The following HDHD5 variants were observed in gnomAD, a reference collection of about 807,000 sequenced individuals.
The protein encoded by HDHD5 is haloacid dehalogenase like hydrolase domain containing 5.
A neutral mutation model predicts 35.5 loss-of-function variants in HDHD5; 34 were observed. The ratio of observed to expected loss-of-function variants is 0.96; its 90% CI spans 0.73 to 1.28. HDHD5 has a LOEUF of 1.28. HDHD5 is among the 50% of genes most tolerant of loss of function. HDHD5 has a pLI of 0.00. For missense variants in HDHD5, 589 were observed against 560.2 expected (o/e 1.05, Z -0.52); for synonymous variants, 248 against 240.6 (o/e 1.03, Z -0.29).
chr22:17,162,620 T>G (rs528430761), upstream of HDHD5, among the ~76,000 whole-genome samples: 1 of 152,340 alleles, frequency 6.6e-6, no homozygotes, highest in South Asian at 2.1e-4. Context: ...TGTGGGAGAT[T>G]CCAACATGAT....
At position 17,138,673 on chromosome 22, in the gene HDHD5, A is replaced by G. The variant is rs2061564042; in HGVS notation, c.812T>C (p.Leu271Pro). The G allele has an allele frequency of 1.2e-6, 2 of 1,614,158 alleles. No homozygotes were observed. Among genetic ancestry groups the G allele is most frequent in the East Asian group, 2.2e-5 (1 of 44,880 alleles). ...TTTGCCCATCAGGCCCTCGTATCTC[A>G]GCTCCTTGCCCGTCACTTTCTGGTA... ...TIYQKVTGKELRYEGLMGKPS... is the reference protein window; with the variant it reads ...TIYQKVTGKEPRYEGLMGKPS... Residue 271 changes from leucine (L) to proline (P), a missense_variant, in exon 7 of 8, where the codon CTG becomes CCG. Physicochemically the swap from Leu to Pro is moderately conservative, Grantham distance 98. Coordinates refer to ENST00000336737, the MANE Select transcript of HDHD5 (RefSeq NM_033070.3).
rs140503307 is a variant in HDHD5, at chr22:17,138,685, G to C, written c.800C>G (p.Thr267Arg). The C allele has an allele frequency of 6.2e-7, 1 of 1,614,086 alleles. No homozygotes were observed. The highest frequency in any genetic ancestry group is 1.3e-5 in the African/African-American group (1 of 74,922). Residue 267 changes from threonine to arginine, a missense_variant, in exon 7 of 8, where the codon ACG becomes AGG. Transcript: ENST00000336737. Reference sequence around the variant, plus strand: ...GCCCTCGTATCTCAGCTCCTTGCCCGTCACTTTCTGGTAAATGGTTTCCAG... The same window carrying C: ...GCCCTCGTATCTCAGCTCCTTGCCCCTCACTTTCTGGTAAATGGTTTCCAG... ...LCLETIYQKV[T>R]GKELRYEGLM... is the part of the protein sequence containing the mutation.
chr22:17,141,517 C>A (rs916503476), intron 5 of HDHD5: 4 of 1,251,020 alleles, frequency 3.2e-6, no homozygotes, highest in Admixed American at 4.6e-5. Context: ...TGTCTCAGGG[C>A]TACTTCTCCT....
chr22:17,161,885 A>G (rs899924886), upstream of HDHD5, among the ~76,000 whole-genome samples: 11 of 150,858 alleles, frequency 7.3e-5, no homozygotes, highest in Admixed American at 4.0e-4. Context: ...AAAAAAAAAA[A>G]GAAAAAAAAA....
chr22:17,150,783 T>G (rs993614973), intron 1 of HDHD5, among the ~76,000 whole-genome samples: 2 of 152,200 alleles, frequency 1.3e-5, no homozygotes. Context: ...CCTCTCAAAG[T>G]GCTAGGATTA....
In HDHD5 at chr22:17,148,566, G is replaced by A. The variant is rs768045571; in HGVS notation, c.331-6C>T. 6.2e-7 allele frequency: 1 copy of A among 1,606,050 alleles called. No individual in the cohort carries two copies. The highest frequency in any genetic ancestry group is 8.5e-7 in the Non-Finnish European group (1 of 1,172,710). ...ATAACTTGGTCTGCATCCACCTGTA[G>A]GGACAGCCAAGACAGGGGAGGGCAG... On this transcript the variant is annotated splice_region_variant and splice_polypyrimidine_tract_variant and intron_variant, in intron 2 of 7. Coordinates refer to ENST00000336737, the MANE Select transcript of HDHD5 (RefSeq NM_033070.3).
rs746035661 is a variant in HDHD5 at position 17,145,106 on chromosome 22, C to T, written c.455G>A (p.Arg152Gln). The T allele has an allele frequency of 3.9e-5, 63 of 1,613,898 alleles. No homozygotes were observed. Among genetic ancestry groups the T allele is most frequent in the East Asian group, 1.8e-4 (8 of 44,852 alleles). Residue 152 changes from arginine to glutamine, a missense_variant, in exon 4 of 8, where the codon CGA becomes CAA. By Grantham distance (43) the Arg-to-Gln change is conservative (BLOSUM62 1). Transcript: ENST00000336737. ...VMENAQGLGF[R>Q]NVVTVDELRM... ...CAGCTCATCCACGGTGACGACATTT[C>T]GGAAGCCCAGTCTGGAGCAAGCTCA...
At chr22:17,143,168 CGCCT>C (rs2061618697) in intron 4 of HDHD5, 37 bp from the exon 5 acceptor site, 1 of 1,599,108 alleles carries the variant, frequency 6.3e-7, no homozygotes, top group Non-Finnish European at 8.5e-7. Flanking sequence ...CAACACAAGT[CGCCT>C]TCCACTCCAG....
At chr22:17,147,826 C>T (rs1255233277) in intron 3 of HDHD5, among the ~76,000 whole-genome samples, 3 of 152,230 alleles carry the variant, frequency 2.0e-5, no homozygotes, top group Non-Finnish European at 4.4e-5. Flanking sequence ...CACACGCCAT[C>T]GCACACGCTC....
intron 3 of HDHD5, 131 bp downstream of exon 3, chr22:17,148,317 C>G: frequency 1.3e-6 from 1 of 760,380 alleles, no homozygotes; most frequent in South Asian, 1.6e-5. Context: ...TGTCCTCCCT[C>G]CCCTGAGCCC....
chr22:17,159,020 C>A, intron 1 of HDHD5, 106 bp downstream of exon 1: 1 of 1,049,454 alleles, frequency 9.5e-7, no homozygotes, highest in South Asian at 4.7e-5. Context: ...AGGCAGTTCC[C>A]AGGAGGCTGG....
chr22:17,159,004 C>A, intron 1 of HDHD5, 122 bp downstream of exon 1: 1 of 924,378 alleles, frequency 1.1e-6, no homozygotes, highest in Non-Finnish European at 1.4e-6. Context: ...GGCGCGACGA[C>A]GGTCCAGGCA....
upstream of HDHD5, among the ~76,000 whole-genome samples, chr22:17,163,047 T>C (rs1055133427): frequency 6.6e-5 from 10 of 152,254 alleles, no homozygotes; most frequent in African/African-American, 2.4e-4. Flanking sequence ...GCTCACTTGA[T>C]TGAATTTGGA....
chr22:17,162,782 A>G (rs1195038734), upstream of HDHD5, among the ~76,000 whole-genome samples: 1 of 152,206 alleles, frequency 6.6e-6, no homozygotes, highest in Non-Finnish European at 1.5e-5. Context: ...GAACAAGGGC[A>G]CTCACGTCTA....
At chr22:17,143,988 A>G (rs1403255512) in intron 4 of HDHD5, among the ~76,000 whole-genome samples, 1 of 152,164 alleles carries the variant, frequency 6.6e-6, no homozygotes, top group Non-Finnish European at 1.5e-5. Flanking sequence ...CTCAAAAATG[A>G]GCCCAGCGCA....
At position 17,138,704 on chromosome 22, in the gene HDHD5, T is replaced by C. The variant is rs1386344166; in HGVS notation, c.781A>G (p.Thr261Ala). 1 of 1,614,058 alleles carries C rather than the reference T, an allele frequency of 6.2e-7. No individual in the cohort carries two copies. The highest frequency in any genetic ancestry group is 8.5e-7 in the Non-Finnish European group (1 of 1,180,042). Residue 261 changes from threonine (T) to alanine (A), a missense_variant, in exon 7 of 8, where the codon ACC becomes GCC. Thr to Ala is a moderately conservative substitution (Grantham distance 58, BLOSUM62 0). Coordinates refer to ENST00000336737, the MANE Select transcript of HDHD5 (RefSeq NM_033070.3). ...TTGCCCGTCACTTTCTGGTAAATGG[T>C]TTCCAGGCACAGCAGAAAGGTGCCA... Reference protein sequence around the residue: ...GHGTFLLCLETIYQKVTGKEL... With the variant: ...GHGTFLLCLEAIYQKVTGKEL...
In HDHD5 at chr22:17,138,539, G is replaced by A; in HGVS notation, c.935+11C>T. The A allele has an allele frequency of 6.2e-7, 1 of 1,611,676 alleles. No individual in the cohort carries two copies. Reference sequence around the variant, plus strand: ...TCATAAAAGGGACAAAGGAGGGAGAGCAGAGCCTACCCCACAGCATAGAGC... The same window carrying A: ...TCATAAAAGGGACAAAGGAGGGAGAACAGAGCCTACCCCACAGCATAGAGC... On this transcript the variant is annotated intron_variant, in intron 7 of 7. Coordinates refer to ENST00000336737, the MANE Select transcript of HDHD5 (RefSeq NM_033070.3).
intron 3 of HDHD5, among the ~76,000 whole-genome samples, chr22:17,147,537 G>A (rs1488800556): frequency 1.2e-4 from 14 of 115,790 alleles, no homozygotes; most frequent in South Asian, 3.1e-4. Context: ...CACACCTGTG[G>A]CACACTCCTG....
At chr22:17,148,652 AGG>A in intron 2 of HDHD5, 92 bp from the exon 3 acceptor site, 2 of 966,894 alleles carry the variant, frequency 2.1e-6, no homozygotes, top group Admixed American at 4.4e-5. Flanking sequence ...AGCCTAGGGA[AGG>A]AAAAAACCCG....
Sources: allele counts gnomAD v4.1 joint callset (sites outside exome capture counted in the v4.1 genomes callset), GRCh38; gene constraint gnomAD v4.1.1; transcripts MANE v1.5; gene names NCBI Gene and HGNC (gene_info 2026-07-23, HGNC 2026-07-21).